Variants in GUCY2C observed in about 807,000 individuals in gnomAD.
GUCY2C encodes guanylyl cyclase C.
Under a neutral mutation model 131.1 loss-of-function variants are expected in GUCY2C, and 118 were observed. That is an observed-to-expected ratio of 0.90 (90% CI 0.78 to 1.05). The LOEUF is 1.05. GUCY2C is among the 50% of genes least tolerant of loss of function. The pLI is 0.00. For missense variants in GUCY2C, 1,161 were observed against 1,304.4 expected (o/e 0.89, Z 1.69); for synonymous variants, 452 against 457.8 (o/e 0.99, Z 0.16).
At chr12:14,695,499 G>T (rs1220828329) in intron 1 of GUCY2C, among the ~76,000 whole-genome samples, 1 of 151,382 alleles carries the variant, frequency 6.6e-6, no homozygotes, top group Admixed American at 6.6e-5. Context: ...TACTCGGGGG[G>T]CTGAGGCAGG....
chr12:14,656,960 C>T (rs1428405228), intron 11 of GUCY2C, among the ~76,000 whole-genome samples: 1 of 152,208 alleles, frequency 6.6e-6, no homozygotes, highest in East Asian at 1.9e-4. Flanking sequence ...GAGTGTGCAA[C>T]ATAGATCCCC....
intron 11 of GUCY2C, among the ~76,000 whole-genome samples, chr12:14,659,703 C>T (rs1280745666): frequency 1.3e-5 from 2 of 152,134 alleles, no homozygotes; most frequent in South Asian, 4.1e-4. Flanking sequence ...CTCTTGGGAC[C>T]CAGCAGAGCC....
At chr12:14,627,724 A>G (rs1947053262) in intron 20 of GUCY2C, among the ~76,000 whole-genome samples, 1 of 152,122 alleles carries the variant, frequency 6.6e-6, no homozygotes, top group East Asian at 1.9e-4. Context: ...ATGAGCATAC[A>G]TTTTATCAGT....
At chr12:14,631,153 A>G (rs1317483167) in intron 19 of GUCY2C, among the ~76,000 whole-genome samples, 1 of 152,224 alleles carries the variant, frequency 6.6e-6, no homozygotes, top group African/African-American at 2.4e-5. Context: ...TGTAAATGGA[A>G]GGAAAATGTT....
intron 21 of GUCY2C, among the ~76,000 whole-genome samples, chr12:14,625,215 G>T (rs1431751589): frequency 2.0e-5 from 3 of 152,138 alleles, no homozygotes; most frequent in Non-Finnish European, 2.9e-5. Flanking sequence ...GGAGATCAGG[G>T]GCTCCAGCTC....
intron 19 of GUCY2C, among the ~76,000 whole-genome samples, chr12:14,637,361 C>T (rs1947292620): frequency 6.6e-6 from 1 of 152,006 alleles, no homozygotes; most frequent in African/African-American, 2.4e-5. Flanking sequence ...GATTATACTG[C>T]CCAAAGCAAT....
chr12:14,619,603 C>T (rs574773783), intron 23 of GUCY2C: 53 of 324,358 alleles, frequency 1.6e-4, no homozygotes, highest in East Asian at 3.7e-4. Context: ...AAATAGAAGG[C>T]TCTCAGGAAG....
intron 19 of GUCY2C, among the ~76,000 whole-genome samples, chr12:14,637,424 A>G (rs926484282): frequency 2.6e-5 from 4 of 152,138 alleles, no homozygotes; most frequent in Admixed American, 6.6e-5. Flanking sequence ...TCCCACAGAA[A>G]TGGAAAAAAC....
In GUCY2C at chr12:14,613,141, T is replaced by G. The variant is rs765693245; in HGVS notation, c.3198A>C (p.Thr1066=). 3.1e-6 allele frequency: 5 copies of G among 1,613,502 alleles called. No individual in the cohort carries two copies. The Admixed American group carries it at 8.3e-5, about 27-fold the overall frequency. Residue 1066 remains threonine, a synonymous_variant, in exon 27 of 27, where the codon ACA becomes ACC. Coordinates refer to ENST00000261170, the MANE Select transcript of GUCY2C (RefSeq NM_004963.4). The surrounding 1 kb of genome is among the most constrained non-coding windows in gnomAD (Gnocchi z 4.9). ...TTTAAAAATAGGTGCTCTCCTTGTC[T>G]GTGGTATTCAGCTGCAAGTATTCCA... is the stretch of plus-strand genomic sequence containing the variant. ...GTLEYLQLNT[T]DKESTYF
Position 14,676,933 on chromosome 12 carries a change from T to C in GUCY2C, c.869A>G (p.Tyr290Cys), listed in dbSNP as rs1948245536. 1 of 1,568,676 alleles carries C rather than the reference T, an allele frequency of 6.4e-7. No homozygotes were observed. Among genetic ancestry groups the C allele is most frequent in the Non-Finnish European group, 8.7e-7 (1 of 1,146,954 alleles). The change falls in exon 7 of 27, where the codon TAT (tyrosine) becomes TGT (cysteine). Residue 290 changes from tyrosine to cysteine, a missense_variant. Coordinates refer to ENST00000261170, the MANE Select transcript of GUCY2C (RefSeq NM_004963.4). ...YFEDNVTAPD[Y>C]MKNVLVLTLS... is the part of the protein sequence containing the mutation. ...CGTCAGAACAAGGACATTTTTCATA[T>C]AGTCAGGGGCTGTGACATTGTCCTC... is the stretch of plus-strand genomic sequence containing the variant.
intron 7 of GUCY2C, among the ~76,000 whole-genome samples, chr12:14,675,210 A>G: frequency 6.9e-6 from 1 of 145,134 alleles, no homozygotes; most frequent in South Asian, 2.2e-4. Flanking sequence ...TCCATCTCAA[A>G]AAAAAAAAAA....
At chr12:14,682,250 C>A (rs1017504923) in intron 4 of GUCY2C, among the ~76,000 whole-genome samples, 9 of 152,154 alleles carry the variant, frequency 5.9e-5, no homozygotes, top group African/African-American at 9.7e-5. Context: ...ATAATCCCCA[C>A]GTGTCAAGGG....
At chr12:14,628,996 G>C (rs1475977360) in intron 19 of GUCY2C, among the ~76,000 whole-genome samples, 2 of 152,174 alleles carry the variant, frequency 1.3e-5, no homozygotes, top group East Asian at 1.9e-4. Context: ...TGATACGGGA[G>C]ACTAAGTGAA....
At chr12:14,633,655 T>C (rs990674177) in intron 19 of GUCY2C, among the ~76,000 whole-genome samples, 2 of 36,614 alleles carry the variant, frequency 5.5e-5, no homozygotes, top group East Asian at 1.8e-3. Flanking sequence ...AGAAAAATAA[T>C]ACAAAGAAAT....
At chr12:14,625,389 G>A (rs55676509) in intron 21 of GUCY2C, among the ~76,000 whole-genome samples, 7 of 150,850 alleles carry the variant, frequency 4.6e-5, no homozygotes, top group African/African-American at 7.3e-5. Flanking sequence ...GTGCAGTGGC[G>A]CGATCTTGGC....
chr12:14,671,455 A>C (rs1948108874), intron 9 of GUCY2C, among the ~76,000 whole-genome samples: 3 of 152,126 alleles, frequency 2.0e-5, no homozygotes. Flanking sequence ...ACATTTTCAT[A>C]ACTTTACTCT....
intron 10 of GUCY2C, among the ~76,000 whole-genome samples, chr12:14,665,250 T>G (rs558171288): frequency 1.1e-4 from 16 of 150,760 alleles, no homozygotes; most frequent in Non-Finnish European, 2.4e-4. Context: ...TAAGGAAAGT[T>G]GAGATTCCGG....
intron 10 of GUCY2C, among the ~76,000 whole-genome samples, chr12:14,663,269 CAT>C (rs1410007174): frequency 6.6e-6 from 1 of 152,088 alleles, no homozygotes; most frequent in Admixed American, 6.6e-5. Context: ...ATTTTAAAAT[CAT>C]GTGTGTGAAT....
In GUCY2C at chr12:14,686,191, G is replaced by A. The variant is rs1218840458; in HGVS notation, c.365C>T (p.Pro122Leu). 2 of 1,607,952 alleles carry A rather than the reference G, an allele frequency of 1.2e-6. No individual in the cohort carries two copies. The highest frequency in any genetic ancestry group is 1.3e-5 in the African/African-American group (1 of 74,892). Reference protein sequence around the residue: ...AQRMGCVLIGPSCTYSTFQMY... With the variant: ...AQRMGCVLIGLSCTYSTFQMY... ...CTGGAAGGTGGAGTATGTACATGAGGGCCCTATGAGGACACAGCCCATCCG... is the reference window on the plus strand; with the variant it reads ...CTGGAAGGTGGAGTATGTACATGAGAGCCCTATGAGGACACAGCCCATCCG... Residue 122 changes from proline (P) to leucine (L), a missense_variant, in exon 3 of 27, where the codon CCC becomes CTC. By Grantham distance (98) the Pro-to-Leu change is moderately conservative. Transcript: ENST00000261170.
Sources: gnomAD v4.1 joint callset for allele counts (sites outside exome capture counted in the v4.1 genomes callset) on GRCh38, gnomAD v4.1.1 for gene constraint, Gnocchi (gnomAD v3.1) non-coding constraint, MANE v1.5 for transcripts, NCBI Gene and HGNC (gene_info 2026-07-23, HGNC 2026-07-21) for gene names.